Variants in STX1B observed in about 807,000 individuals in gnomAD.
STX1B encodes syntaxin 1B.
A neutral mutation model predicts 39.4 loss-of-function variants in STX1B; 7 were observed. That is an observed-to-expected ratio of 0.18 (90% confidence interval 0.10 to 0.33). STX1B has a LOEUF of 0.33. STX1B is among the 10% of genes least tolerant of loss of function. The probability of loss-of-function intolerance (pLI) is 1.00; values close to 1 mark genes in which losing one functional copy is unlikely to be tolerated. For synonymous variants in STX1B, 136 were observed against 144.1 expected (o/e 0.94, Z 0.40); for missense variants, 198 against 383.2 (o/e 0.52, Z 4.04).
intron 1 of STX1B, among the ~76,000 whole-genome samples, chr16:31,002,721 CT>C (rs1015220250): frequency 2.0e-5 from 3 of 152,178 alleles, no homozygotes; most frequent in Non-Finnish European, 4.4e-5. Context: ...GTCCATCAAG[CT>C]TAATGACATC....
At chr16:30,996,791 G>C (rs775362808) in intron 6 of STX1B, 35 bp from the exon 7 acceptor site, 1 of 1,611,386 alleles carries the variant, frequency 6.2e-7, no homozygotes, top group Non-Finnish European at 8.5e-7. Context: ...TCGGGGGCTG[G>C]GACAGCCTGG....
At chr16:30,997,658 C>G in intron 4 of STX1B, 83 bp from the exon 5 acceptor site, 1 of 1,331,906 alleles carries the variant, frequency 7.5e-7, no homozygotes. Context: ...GGTCAACACC[C>G]CGCGGCAGCG....
rs2056594467 is a variant in STX1B, at chr16:30,996,761, G to A, written c.464-5C>T. 6.2e-6 allele frequency: 10 copies of A among 1,613,844 alleles called. No homozygotes were observed. Among genetic ancestry groups the A allele is most frequent in the East Asian group, 4.5e-5 (2 of 44,898 alleles). ...CGTTGGTGGTGGTCCTTCCAGCTGC[G>A]GGAAGAAAGGACTCCCTGCTCGGGG... On this transcript the variant is annotated splice_polypyrimidine_tract_variant and splice_region_variant and intron_variant, in intron 6 of 9. Coordinates refer to ENST00000215095, the MANE Select transcript of STX1B (RefSeq NM_052874.5).
chr16:30,996,640 C>A (rs1596716526), intron 7 of STX1B, 43 bp downstream of exon 7: 1 of 1,597,168 alleles, frequency 6.3e-7, no homozygotes. Context: ...GGAGGGGAGG[C>A]AAAAATTTTC....
chr16:30,997,112 G>T, intron 5 of STX1B, 53 bp from the exon 6 acceptor site: 1 of 1,300,746 alleles, frequency 7.7e-7, no homozygotes, highest in Admixed American at 1.8e-5. Context: ...AGGGATCAGG[G>T]AGGGAGTCAG....
Position 30,993,162 on chromosome 16 carries a change from T to G in STX1B, c.754A>C (p.Lys252Gln). 6.2e-7 allele frequency: 1 copy of G among 1,614,188 alleles called. No homozygotes were observed. Among genetic ancestry groups the G allele is most frequent in the Non-Finnish European group, 8.5e-7 (1 of 1,180,032 alleles). ...YVERAVSDTK[K>Q]AVKYQSKARR... The stretch of plus-strand genomic sequence containing the variant: ...GCCTTGCTCTGATATTTCACTGCTT[T>G]CTTGGTGTCAGACACAGCTCGCTCC... The change falls in exon 9 of 10, where the codon AAA becomes CAA. Residue 252 changes from lysine (K) to glutamine (Q), a missense_variant. Lys to Gln is a moderately conservative substitution (Grantham distance 53). Coordinates refer to ENST00000215095, the MANE Select transcript of STX1B (RefSeq NM_052874.5).
Position 30,989,399 on chromosome 16 carries a change from C to T in STX1B, c.*3422G>A, listed in dbSNP as rs2056535022. 6.7e-6 allele frequency: 1 copy of T among 149,446 alleles called. No individual in the cohort carries two copies. Among genetic ancestry groups the T allele is most frequent in the South Asian group, 2.1e-4 (1 of 4,752 alleles). 9.3% of individuals were successfully genotyped at this position (149,446 alleles called of 1,614,324 possible). On this transcript the variant is annotated 3_prime_UTR_variant, in exon 10 of 10. Transcript: ENST00000215095. ...GTGTTTTATCCATTTGCAAGTTGGT[C>T]ACCAATAGAAATGGGACTCTGAGGG... is the stretch of plus-strand genomic sequence containing the variant.
At chr16:31,010,254 A>G (rs975122488) in intron 1 of STX1B, 113 bp downstream of exon 1, 7 of 838,052 alleles carry the variant, frequency 8.4e-6, no homozygotes, top group Non-Finnish European at 1.2e-5. Context: ...TCCGGCTACC[A>G]ACCTCCGATC....
intron 1 of STX1B, among the ~76,000 whole-genome samples, chr16:31,007,012 G>A (rs560884999): frequency 4.6e-5 from 7 of 152,226 alleles, no homozygotes; most frequent in Non-Finnish European, 7.3e-5. Context: ...TCGAGAGGCT[G>A]TGGCAGGAGG....
At chr16:30,993,986 C>CAAAA (rs965896871) in intron 7 of STX1B, among the ~76,000 whole-genome samples, 1 of 120,922 alleles carries the variant, frequency 8.3e-6, no homozygotes. Flanking sequence ...AATTCCATCT[C>CAAAA]AAAAAAAAAA....
At position 31,001,205 on chromosome 16, in the gene STX1B, A is replaced by T. The variant is rs751072355; in HGVS notation, c.106-12T>A. On this transcript the variant is annotated splice_polypyrimidine_tract_variant and intron_variant, in intron 2 of 9. Transcript: ENST00000215095. This position sits in a 1 kb window ranked among gnomAD's most constrained non-coding sequence, Gnocchi z 5.5. ...CGGATCTCTTCCACCTGGAGCAGAA[A>T]ATCGGCTATACCCAGCCAAGCTGTC... is the stretch of plus-strand genomic sequence containing the variant. 1.2e-6 allele frequency: 2 copies of T among 1,612,482 alleles called. No homozygotes were observed. Among genetic ancestry groups the T allele is most frequent in the Non-Finnish European group, 1.7e-6 (2 of 1,179,664 alleles).
intron 1 of STX1B, among the ~76,000 whole-genome samples, chr16:31,006,358 G>A (rs2056655195): frequency 1.3e-5 from 2 of 152,116 alleles, no homozygotes; most frequent in East Asian, 3.9e-4. Context: ...CTTACCCCCT[G>A]CCCCTTTCTC....
chr16:30,993,000 G>C, intron 9 of STX1B, 99 bp from the exon 10 acceptor site: 1 of 1,329,504 alleles, frequency 7.5e-7, no homozygotes, highest in Non-Finnish European at 1.1e-6. Flanking sequence ...GGGAGAAGAG[G>C]GGAGAGAAAA....
intron 7 of STX1B, among the ~76,000 whole-genome samples, chr16:30,995,233 C>A (rs983934598): frequency 2.6e-5 from 4 of 152,168 alleles, no homozygotes; most frequent in African/African-American, 9.7e-5. Context: ...CCTCCTTGGC[C>A]TCCCAAAATG....
At position 31,010,406 on chromosome 16, in the gene STX1B, G is replaced by GCTC. The variant is rs755403160; in HGVS notation, c.-13_-11dup. 6 of 1,488,816 alleles carry GCTC rather than the reference G, an allele frequency of 4.0e-6. No homozygotes were observed. In the South Asian group the frequency reaches 4.1e-5, roughly 10 times the overall value. 92.2% of individuals were successfully genotyped at this position (1,488,816 alleles called of 1,614,324 possible). A position where few individuals can be genotyped will look rare whatever the true frequency, so the allele number is the denominator to read the frequency against. Reference sequence around the variant, plus strand: ...GAGTCCGATCCTTCATCCTGCGACGGCTCCTCCTCCTCCTCCTAGTCCTCC... The same window carrying GCTC: ...GAGTCCGATCCTTCATCCTGCGACGGCTCCTCCTCCTCCTCCTCCTAGTCCTCC... On this transcript the variant is annotated 5_prime_UTR_variant, in exon 1 of 10. Transcript: ENST00000215095.
chr16:31,008,786 G>A (rs939279994), intron 1 of STX1B, among the ~76,000 whole-genome samples: 60 of 152,250 alleles, frequency 3.9e-4, no homozygotes, highest in African/African-American at 1.4e-3. Flanking sequence ...CCAGCTGTGT[G>A]ACTTTGGTCT....
In STX1B at chr16:30,992,824, C is replaced by A; in HGVS notation, c.864G>T (p.Leu288Phe). The A allele has an allele frequency of 6.2e-7, 1 of 1,608,264 alleles. No homozygotes were observed. The highest frequency in any genetic ancestry group is 8.5e-7 in the Non-Finnish European group (1 of 1,175,230). Residue 288 changes from leucine to phenylalanine, a missense_variant, in exon 10 of 10, where the codon TTG becomes TTT. By Grantham distance (22) the Leu-to-Phe change is conservative. Transcript: ENST00000215095. Reference sequence around the variant, plus strand: ...GAGAGAGAAGGGTGGGGGGGGCCTACAAGCCCAGCGTCCCCCCAATGGATG... The same window carrying A: ...GAGAGAGAAGGGTGGGGGGGGCCTAAAAGCCCAGCGTCCCCCCAATGGATG... Reference protein sequence around the residue: ...LASSIGGTLGL With the variant: ...LASSIGGTLGF
Position 30,992,644 on chromosome 16 carries a change from G to C in STX1B, c.*177C>G, listed in dbSNP as rs1355266947. 6.1e-6 allele frequency: 3 copies of C among 495,334 alleles called. No individual in the cohort carries two copies. The highest frequency in any genetic ancestry group is 4.4e-5 in the African/African-American group (2 of 44,944). The allele number at this position is 495,334 out of a possible 1,614,324, so 30.7% of individuals were successfully genotyped here. ...TGCTGCGATCTACGTGCGGGGACGGGGGGGGGGTCCATGGCCCGGTGAGGT... is the reference window on the plus strand; with the variant it reads ...TGCTGCGATCTACGTGCGGGGACGGCGGGGGGGTCCATGGCCCGGTGAGGT... On this transcript the variant is annotated 3_prime_UTR_variant, in exon 10 of 10. Coordinates refer to ENST00000215095, the MANE Select transcript of STX1B (RefSeq NM_052874.5).
chr16:31,007,361 C>T (rs2056659786), intron 1 of STX1B, among the ~76,000 whole-genome samples: 1 of 152,124 alleles, frequency 6.6e-6, no homozygotes, highest in South Asian at 2.1e-4. Flanking sequence ...TGTCTCCGCA[C>T]TTCTCCCACC....
Sources: gnomAD v4.1 joint callset for allele counts (sites outside exome capture counted in the v4.1 genomes callset) on GRCh38, gnomAD v4.1.1 for gene constraint, Gnocchi (gnomAD v3.1) non-coding constraint, MANE v1.5 for transcripts, NCBI Gene and HGNC (gene_info 2026-07-23, HGNC 2026-07-21) for gene names.